NPIPB2: variants seen among roughly 807,000 people sequenced by gnomAD.
NPIPB2 encodes the protein nuclear pore complex-interacting protein family member B2.
NPIPB2 carries 27 observed loss-of-function variants against 30.8 expected under a neutral mutation model. The ratio of observed to expected loss-of-function variants is 0.88; its 90% CI spans 0.65 to 1.21. The LOEUF is 1.21. NPIPB2 is among the 50% of genes most tolerant of loss of function. NPIPB2 has a pLI of 0.00. For synonymous variants in NPIPB2, 147 were observed against 162.0 expected (o/e 0.91, Z 0.70); for missense variants, 440 against 446.2 (o/e 0.99, Z 0.13).
At chr16:11,963,162 C>T (rs1424447509) in intron 1 of NPIPB2, among the ~76,000 whole-genome samples, 1 of 152,078 alleles carries the variant, frequency 6.6e-6, no homozygotes, top group African/African-American at 2.4e-5. Context: ...GGTGGGTCAC[C>T]TGAGGTCAGG....
At chr16:11,945,022 TAA>T (rs560195968), upstream of NPIPB2, among the ~76,000 whole-genome samples, 1 of 140,644 alleles carries the variant, frequency 7.1e-6, no homozygotes, top group Admixed American at 7.1e-5. Flanking sequence ...CTACTAAAAA[TAA>T]AAAAAAAAAA....
intron 1 of NPIPB2, among the ~76,000 whole-genome samples, chr16:11,969,992 G>C (rs1463988468): frequency 2.6e-5 from 4 of 151,792 alleles, no homozygotes; most frequent in African/African-American, 4.8e-5. Flanking sequence ...CTCCCAAGTA[G>C]CTGGGATTAC....
At chr16:11,967,691 G>T in intron 1 of NPIPB2, 1 of 1,614,186 alleles carries the variant, frequency 6.2e-7, no homozygotes, top group South Asian at 1.1e-5. Context: ...ACTGCATCAA[G>T]AGCAAACCGA....
intron 4 of NPIPB2, among the ~76,000 whole-genome samples, chr16:11,932,963 T>TA (rs770388601): frequency 3.8e-3 from 467 of 121,592 alleles, no homozygotes; most frequent in East Asian, 0.014. Flanking sequence ...ATCTCAAAAT[T>TA]AAAAAAAAAA....
intron 1 of NPIPB2, chr16:11,967,097 T>C: frequency 4.6e-6 from 1 of 218,490 alleles, no homozygotes; most frequent in South Asian, 5.4e-5. Context: ...GCCTCTTGGG[T>C]TCAAACAATT....
intron 2 of NPIPB2, among the ~76,000 whole-genome samples, chr16:11,934,528 G>A (rs1191877595): frequency 7.1e-6 from 1 of 141,042 alleles, no homozygotes; most frequent in Non-Finnish European, 1.5e-5. Context: ...ACTCCAACCT[G>A]GGCAACAAAA....
chr16:11,941,263 G>C (rs564260101), intron 1 of NPIPB2: 1 of 1,503,892 alleles, frequency 6.6e-7, no homozygotes, highest in Admixed American at 2.1e-5. Flanking sequence ...CTTTCAGGGC[G>C]CCCTGAGGCG....
chr16:11,934,549 G>A (rs1488248083), intron 2 of NPIPB2, among the ~76,000 whole-genome samples: 2 of 80,120 alleles, frequency 2.5e-5, no homozygotes, highest in African/African-American at 1.0e-4. Context: ...TTGAAACTCT[G>A]TCTCAAAAAA....
chr16:11,961,627 A>G (rs1445857062), intron 1 of NPIPB2, among the ~76,000 whole-genome samples: 1 of 151,754 alleles, frequency 6.6e-6, no homozygotes, highest in Non-Finnish European at 1.5e-5. Context: ...TAAAAATACA[A>G]AAATTAGCCA....
intron 1 of NPIPB2, among the ~76,000 whole-genome samples, 190 bp from the exon 2 acceptor site, chr16:11,937,858 G>T (rs1486056867): frequency 6.6e-6 from 1 of 152,172 alleles, no homozygotes; most frequent in East Asian, 1.9e-4. Context: ...ATGGCTGGTA[G>T]TGTTTTTAGG....
At chr16:11,944,574 C>T (rs1298421562), upstream of NPIPB2, among the ~76,000 whole-genome samples, 3 of 150,320 alleles carry the variant, frequency 2.0e-5, no homozygotes, top group African/African-American at 7.3e-5. Flanking sequence ...ACCAGCCTGA[C>T]CAACATGGCA....
rs575890287 is a variant in NPIPB2, at chr16:11,950,556, G to C, written c.-583-8442C>G. ...GAAAGGAGGACGCTAACATAAGGAC[G>C]AGAGAGAGTTTATGCAAAGTCCCTA... On this transcript the variant is annotated intron_variant, in intron 1 of 5. Transcript: ENST00000538896. Among the ~76,000 whole-genome samples the C allele has an allele frequency of 2.6e-5, 4 of 152,226 alleles. No homozygotes were observed. The South Asian group carries it at 8.3e-4, about 32-fold the overall frequency.
Position 11,958,171 on chromosome 16 carries a change from A to G in NPIPB2, c.-583-16057T>C, listed in dbSNP as rs140337774. ...CTGGGTGCGGTGGCTCACTCCTGTA[A>G]TTCCAACACTTTGGGAGACTGTGGC... is the stretch of plus-strand genomic sequence containing the variant. On this transcript the variant is annotated intron_variant, in intron 1 of 5. Coordinates refer to the NPIPB2 transcript ENST00000538896. Among the ~76,000 whole-genome samples the G allele has an allele frequency of 1.8e-3, 274 of 152,200 alleles. 1 individual carries two copies. The highest frequency in any genetic ancestry group is 0.017 in the Middle Eastern group (5 of 294).
intron 1 of NPIPB2, among the ~76,000 whole-genome samples, chr16:11,969,318 T>C (rs11570167): frequency 3.9e-5 from 6 of 152,074 alleles, no homozygotes; most frequent in Admixed American, 3.9e-4. Flanking sequence ...AGTGCAGTGG[T>C]GCGATCTCAG....
At chr16:11,968,061 T>A in intron 1 of NPIPB2, 1 of 552,072 alleles carries the variant, frequency 1.8e-6, no homozygotes, top group African/African-American at 1.9e-5. Flanking sequence ...AACTCTTTTT[T>A]TTCCTGACAT....
chr16:11,969,346 C>G (rs2055220257), intron 1 of NPIPB2, among the ~76,000 whole-genome samples: 2 of 152,028 alleles, frequency 1.3e-5, no homozygotes, highest in South Asian at 4.1e-4. Flanking sequence ...CAACCTCTGC[C>G]TCCCGGGTTC....
chr16:11,958,905 G>T (rs2055134717), intron 1 of NPIPB2, among the ~76,000 whole-genome samples: 1 of 152,206 alleles, frequency 6.6e-6, no homozygotes, highest in Non-Finnish European at 1.5e-5. Context: ...GGGAGGTGAA[G>T]ATCTGGGAGT....
In NPIPB2 at chr16:11,927,542, CT is replaced by C. The variant is rs1567461720; in HGVS notation, c.1024del (p.Arg342GlufsTer45). 1.2e-6 allele frequency: 2 copies of C among 1,602,190 alleles called. No homozygotes were observed. The highest frequency in any genetic ancestry group is 1.7e-6 in the Non-Finnish European group (2 of 1,177,096). On this transcript the variant is annotated frameshift_variant, in exon 8 of 8. Coordinates refer to ENST00000399147, the Ensembl canonical transcript of NPIPB2. LOFTEE classifies it high-confidence loss of function. The stretch of plus-strand genomic sequence containing the variant: ...GGGTGGTGATTCCATCTCAGCCGCT[CT>C]CCACCTCTTGGGTTTGGGTGGTTTT...
intron 1 of NPIPB2, among the ~76,000 whole-genome samples, chr16:11,951,622 A>C (rs534765699): frequency 3.5e-4 from 37 of 106,920 alleles, no homozygotes; most frequent in South Asian, 2.8e-3. Flanking sequence ...CTGCACATAC[A>C]CATACACACA....
Sources: gnomAD v4.1 joint callset for allele counts (sites outside exome capture counted in the v4.1 genomes callset) on GRCh38, gnomAD v4.1.1 for gene constraint, MANE v1.5 for transcripts, NCBI Gene and HGNC (gene_info 2026-07-23, HGNC 2026-07-21) for gene names.